RPS6KC1: variants seen among roughly 807,000 people sequenced by gnomAD.
The protein encoded by RPS6KC1 is ribosomal protein S6 kinase C1.
Under a neutral mutation model 103.8 loss-of-function variants are expected in RPS6KC1, and 54 were observed. The ratio of observed to expected loss-of-function variants is 0.52; its 90% CI spans 0.42 to 0.65. The LOEUF is 0.65. RPS6KC1 is among the 30% of genes least tolerant of loss of function. The pLI is 0.00. For missense variants in RPS6KC1, 1,151 were observed against 1,253.8 expected (o/e 0.92, Z 1.24); for synonymous variants, 439 against 438.7 (o/e 1.00, Z -0.01).
intron 6 of RPS6KC1, among the ~76,000 whole-genome samples, chr1:213,145,711 A>G (rs552302646): frequency 6.6e-6 from 1 of 151,868 alleles, no homozygotes; most frequent in East Asian, 1.9e-4. Flanking sequence ...AAAATACATA[A>G]TTTTTATTTT....
At chr1:213,545,164 G>C in the RPS6KC1 span, among the ~76,000 whole-genome samples, 2 of 152,026 alleles carry the variant, frequency 1.3e-5, no homozygotes, top group Admixed American at 1.3e-4. Flanking sequence ...TCAGGAGTTC[G>C]ACACAAGCCT....
intron 8 of RPS6KC1, among the ~76,000 whole-genome samples, chr1:213,185,686 A>C (rs933348706): frequency 4.6e-5 from 7 of 151,834 alleles, no homozygotes; most frequent in African/African-American, 1.7e-4. Context: ...CAGTATTATT[A>C]TTATTATTGA....
At chr1:213,091,885 G>C (rs1181919383) in intron 3 of RPS6KC1, among the ~76,000 whole-genome samples, 1 of 151,820 alleles carries the variant, frequency 6.6e-6, no homozygotes. Flanking sequence ...TGTTCTCAAG[G>C]GTTGAGATTT....
At chr1:213,661,520 T>A in the RPS6KC1 span, among the ~76,000 whole-genome samples, 1 of 152,044 alleles carries the variant, frequency 6.6e-6, no homozygotes. Flanking sequence ...TTCTTTACAG[T>A]GATGTATGGT....
At chr1:213,375,622 G>C in the RPS6KC1 span, among the ~76,000 whole-genome samples, 2 of 152,234 alleles carry the variant, frequency 1.3e-5, no homozygotes, top group East Asian at 3.9e-4. Context: ...TATTGGTTAG[G>C]ATTCTTTTGG....
At chr1:213,642,811 CTTAAGT>C in the RPS6KC1 span, among the ~76,000 whole-genome samples, 3 of 151,790 alleles carry the variant, frequency 2.0e-5, no homozygotes, top group African/African-American at 4.8e-5. Flanking sequence ...TTGTAATACT[CTTAAGT>C]TTATTTTCTT....
the RPS6KC1 span, among the ~76,000 whole-genome samples, chr1:213,769,887 T>C: frequency 1.3e-5 from 2 of 152,152 alleles, no homozygotes; most frequent in Non-Finnish European, 2.9e-5. Context: ...TAAAGTAGAA[T>C]AGAAATATGT....
At chr1:213,068,873 ATGTGTGTG>A (rs60259563) in intron 1 of RPS6KC1, among the ~76,000 whole-genome samples, 1,686 of 127,348 alleles carry the variant, frequency 0.013, 21 homozygotes, top group African/African-American at 0.038. Context: ...AAGTGTATAT[ATGTGTGTG>A]TGTGTGTGTG....
the RPS6KC1 span, among the ~76,000 whole-genome samples, chr1:213,389,901 C>T: frequency 8.6e-5 from 13 of 152,034 alleles, no homozygotes; most frequent in African/African-American, 1.7e-4. Context: ...CATGCTTCTT[C>T]GCTAAATGTA....
chr1:213,282,837 G>A, the RPS6KC1 span, among the ~76,000 whole-genome samples: 16 of 152,356 alleles, frequency 1.1e-4, no homozygotes, highest in African/African-American at 3.6e-4. Context: ...TTCTGCCTTC[G>A]AGGATGCAGG....
chr1:213,622,526 GC>G, the RPS6KC1 span, among the ~76,000 whole-genome samples: 1 of 151,930 alleles, frequency 6.6e-6, no homozygotes, highest in Non-Finnish European at 1.5e-5. Context: ...CTCCATCCCT[GC>G]CCCTCCCGCT....
intron 4 of RPS6KC1, among the ~76,000 whole-genome samples, chr1:213,116,817 A>T (rs2148888296): frequency 6.6e-6 from 1 of 151,920 alleles, no homozygotes; most frequent in East Asian, 2.0e-4. Context: ...TATGAAGCTT[A>T]GTTTGGCTGG....
intron 8 of RPS6KC1, among the ~76,000 whole-genome samples, chr1:213,208,885 A>G (rs1335965308): frequency 6.6e-6 from 1 of 151,790 alleles, no homozygotes; most frequent in East Asian, 1.9e-4. Flanking sequence ...TACTTTTTCC[A>G]TGTCCTCCTG....
intron 7 of RPS6KC1, 152 bp from the exon 8 acceptor site, chr1:213,176,248 T>C (rs1459930887): frequency 9.4e-6 from 4 of 423,892 alleles, no homozygotes; most frequent in East Asian, 7.2e-5. Context: ...AAAAATTTTA[T>C]ATTACAGACA....
At chr1:213,305,313 C>G in the RPS6KC1 span, among the ~76,000 whole-genome samples, 3 of 152,084 alleles carry the variant, frequency 2.0e-5, no homozygotes, top group African/African-American at 7.2e-5. Flanking sequence ...GAACTCCTGA[C>G]GTCAGGTGAT....
chr1:213,766,068 A>T, the RPS6KC1 span, among the ~76,000 whole-genome samples: 2 of 152,148 alleles, frequency 1.3e-5, no homozygotes, highest in African/African-American at 4.8e-5. Context: ...TTAAAATTCA[A>T]TCCATAATGT....
the RPS6KC1 span, among the ~76,000 whole-genome samples, chr1:213,751,842 A>G: frequency 6.6e-6 from 1 of 152,202 alleles, no homozygotes. Context: ...CACATTACAT[A>G]GTGTCTGGTA....
At chr1:213,654,005 C>A in the RPS6KC1 span, among the ~76,000 whole-genome samples, 1 of 152,200 alleles carries the variant, frequency 6.6e-6, no homozygotes, top group Admixed American at 6.5e-5. Context: ...ATTTTACATT[C>A]TTTCAAAGTG....
the RPS6KC1 span, among the ~76,000 whole-genome samples, chr1:213,369,786 G>A: frequency 1.3e-5 from 2 of 152,252 alleles, no homozygotes; most frequent in Admixed American, 1.3e-4. Flanking sequence ...AGTCAGATTA[G>A]AGAATTAGCA....
Sources: gnomAD v4.1 joint callset for allele counts (sites outside exome capture counted in the v4.1 genomes callset) on GRCh38, gnomAD v4.1.1 for gene constraint, MANE v1.5 for transcripts, NCBI Gene and HGNC (gene_info 2026-07-23, HGNC 2026-07-21) for gene names.